PCDH15: variants seen among roughly 807,000 people sequenced by gnomAD.
PCDH15 encodes protocadherin-15.
A neutral mutation model predicts 178.5 loss-of-function variants in PCDH15; 129 were observed. That is an observed-to-expected ratio of 0.72 (90% CI 0.63 to 0.84). PCDH15 has a LOEUF of 0.84. PCDH15 is among the 40% of genes least tolerant of loss of function. The probability of loss-of-function intolerance (pLI) is 0.00; values close to 1 mark genes in which losing one functional copy is unlikely to be tolerated. For synonymous variants in PCDH15, 800 were observed against 732.0 expected (o/e 1.09, Z -1.50); for missense variants, 2,230 against 2,099.9 (o/e 1.06, Z -1.21).
chr10:53,984,478 CT>C (rs1219673280), intron 21 of PCDH15, among the ~76,000 whole-genome samples: 1 of 152,034 alleles, frequency 6.6e-6, no homozygotes, highest in Non-Finnish European at 1.5e-5. Flanking sequence ...AACTTTTATC[CT>C]TTCAAGTTTG....
chr10:54,708,640 A>G (rs547253094), intron 1 of PCDH15, among the ~76,000 whole-genome samples: 24 of 152,156 alleles, frequency 1.6e-4, no homozygotes, highest in African/African-American at 5.8e-4. Context: ...CTGAGTATCT[A>G]GATTATTTCT....
rs565375155 is a variant in PCDH15, at chr10:55,198,145, C to G, written c.-155-31494G>C. On this transcript the variant is annotated intron_variant, in intron 1 of 5. Transcript: ENST00000458638. The stretch of plus-strand genomic sequence containing the variant: ...TGAAGTGTCTTGCAAGTAATATGTT[C>G]TTCTTCACTGTTAAGGTAGCTGATA... Among the ~76,000 whole-genome samples the G allele has an allele frequency of 3.3e-5, 5 of 152,178 alleles. No individual in the cohort carries two copies. In the South Asian group the frequency reaches 1.0e-3, roughly 32 times the overall value.
intron 1 of PCDH15, among the ~76,000 whole-genome samples, chr10:55,208,972 G>C (rs902015506): frequency 7.2e-5 from 11 of 152,054 alleles, no homozygotes; most frequent in African/African-American, 1.9e-4. Context: ...AAGCACTATG[G>C]AGATGGGAAA....
intron 3 of PCDH15, among the ~76,000 whole-genome samples, chr10:54,808,621 T>C (rs1462748073): frequency 1.3e-5 from 2 of 152,206 alleles, no homozygotes; most frequent in South Asian, 2.1e-4. Flanking sequence ...TGGCAATTAT[T>C]CAGCTAGTTC....
intron 8 of PCDH15, among the ~76,000 whole-genome samples, chr10:54,263,669 C>T (rs1487470086): frequency 1.3e-5 from 2 of 152,152 alleles, no homozygotes; most frequent in Non-Finnish European, 2.9e-5. Flanking sequence ...ACCCCTGCAA[C>T]TACCCAGAAA....
intron 5 of PCDH15, among the ~76,000 whole-genome samples, chr10:54,356,273 A>T (rs1381428837): frequency 1.3e-5 from 2 of 152,030 alleles, no homozygotes; most frequent in African/African-American, 4.8e-5. Context: ...ATATCAGGTG[A>T]ATTAAAATTT....
At chr10:53,898,852 A>C (rs2082138057) in intron 26 of PCDH15, among the ~76,000 whole-genome samples, 1 of 152,172 alleles carries the variant, frequency 6.6e-6, no homozygotes, top group Admixed American at 6.5e-5. Flanking sequence ...CATGATCCCC[A>C]AAAATAATAC....
At chr10:55,476,724 T>A (rs145566938) in intron 2 of PCDH15, among the ~76,000 whole-genome samples, 125 of 152,162 alleles carry the variant, frequency 8.2e-4, no homozygotes, top group African/African-American at 2.8e-3. Context: ...ATACTTGATA[T>A]GCTTAATGCT....
chr10:54,134,747 C>T (rs540717340), intron 14 of PCDH15, among the ~76,000 whole-genome samples: 33 of 144,310 alleles, frequency 2.3e-4, no homozygotes, highest in African/African-American at 4.7e-4. Flanking sequence ...AGCAAGACTC[C>T]GTCTCAAAAA....
At chr10:53,815,166 T>G (rs1025624698) in intron 35 of PCDH15, among the ~76,000 whole-genome samples, 12 of 152,102 alleles carry the variant, frequency 7.9e-5, no homozygotes, top group Non-Finnish European at 1.5e-5. Context: ...GATCAAACAC[T>G]TAATGTAATT....
chr10:53,825,103 C>T (rs138443643), intron 32 of PCDH15: 85 of 1,522,906 alleles, frequency 5.6e-5, no homozygotes, highest in Middle Eastern at 3.5e-4. Context: ...ATTTTTCTAA[C>T]GCTCTTCTAT....
intron 3 of PCDH15, among the ~76,000 whole-genome samples, chr10:54,448,798 C>CTTAAATG (rs2076293105): frequency 1.3e-5 from 2 of 151,712 alleles, no homozygotes; most frequent in Admixed American, 1.3e-4. Flanking sequence ...TTACATGTAG[C>CTTAAATG]ACTCATAGTG....
intron 18 of PCDH15, among the ~76,000 whole-genome samples, chr10:54,032,677 T>TA (rs1396158057): frequency 3.3e-5 from 5 of 152,104 alleles, no homozygotes; most frequent in Non-Finnish European, 7.4e-5. Context: ...CATAACTACT[T>TA]ATTAAACTTT....
chr10:55,444,695 G>C (rs1044383157), intron 2 of PCDH15, among the ~76,000 whole-genome samples: 83 of 152,110 alleles, frequency 5.5e-4, no homozygotes, highest in African/African-American at 1.9e-3. Context: ...TCTAAATCCA[G>C]CTCTGCTGTA....
rs547515220 is a variant in PCDH15, at chr10:54,307,521, G to A, written c.876+9750C>T. Among the ~76,000 whole-genome samples, 121 of 151,796 alleles carry A rather than the reference G, an allele frequency of 8.0e-4. 2 individuals are homozygous for A. The highest frequency in any genetic ancestry group is 7.8e-3 in the Admixed American group (118 of 15,192). ...TTTATTTAGAAAAGAAACAAAGGGA[G>A]CAAGATACCTCCCCGTCTGACATTT... On this transcript the variant is annotated intron_variant, in intron 8 of 37. Coordinates refer to ENST00000644397, the MANE Select transcript of PCDH15 (RefSeq NM_001384140.1).
At chr10:54,668,276 A>G (rs906997610) in intron 1 of PCDH15, among the ~76,000 whole-genome samples, 2 of 152,160 alleles carry the variant, frequency 1.3e-5, no homozygotes, top group Admixed American at 6.6e-5. Flanking sequence ...ACAAACATAA[A>G]TAAGTTATAT....
In PCDH15 at chr10:55,197,763, C is replaced by CT. The variant is rs1840134372; in HGVS notation, c.-155-31113dup. The stretch of plus-strand genomic sequence containing the variant: ...TATCTTCTTGAAATGATATATTTTG[C>CT]TTTTAAGTGGTATTACAGTGAGCTA... On this transcript the variant is annotated intron_variant, in intron 1 of 5. Coordinates refer to the PCDH15 transcript ENST00000458638. Among the ~76,000 whole-genome samples, 3 of 152,054 alleles carry CT rather than the reference C, an allele frequency of 2.0e-5. No individual in the cohort carries two copies. In the South Asian group the frequency reaches 6.2e-4, roughly 32 times the overall value.
At chr10:55,626,174 T>C (rs987480951) in intron 2 of PCDH15, among the ~76,000 whole-genome samples, 27 of 149,536 alleles carry the variant, frequency 1.8e-4, no homozygotes, top group African/African-American at 6.4e-4. Flanking sequence ...AATAAATAAA[T>C]AAATAAATAA....
chr10:55,204,769 G>A (rs894398008), intron 1 of PCDH15, among the ~76,000 whole-genome samples: 3 of 152,020 alleles, frequency 2.0e-5, no homozygotes, highest in East Asian at 1.9e-4. Flanking sequence ...GACTCAGACT[G>A]TCATAGCTAT....
Sources: allele counts gnomAD v4.1 joint callset (sites outside exome capture counted in the v4.1 genomes callset), GRCh38; gene constraint gnomAD v4.1.1; transcripts MANE v1.5; gene names NCBI Gene and HGNC (gene_info 2026-07-23, HGNC 2026-07-21).